The following NBPF3 variants were observed in gnomAD, a reference collection of about 807,000 sequenced individuals.
NBPF3 encodes NBPF member 3.
In NBPF3, 57 loss-of-function variants were observed where a neutral mutation model predicts 78.1. The ratio of observed to expected loss-of-function variants is 0.73; its 90% confidence interval spans 0.59 to 0.91. The LOEUF is 0.91. NBPF3 is among the 40% of genes least tolerant of loss of function. The pLI is 0.00. For missense variants in NBPF3, 510 were observed against 715.3 expected (o/e 0.71, Z 3.27); for synonymous variants, 182 against 271.7 (o/e 0.67, Z 3.25).
upstream of NBPF3, chr1:21,437,304 G>A: frequency 2.4e-6 from 1 of 414,882 alleles, no homozygotes; most frequent in Non-Finnish European, 4.4e-6. Context: ...GGTTTGTCTG[G>A]CATCGGTGGG....
At chr1:21,437,003 G>A (rs554196531), upstream of NBPF3, among the ~76,000 whole-genome samples, 5 of 152,310 alleles carry the variant, frequency 3.3e-5, no homozygotes, top group Non-Finnish European at 7.4e-5. Context: ...GAGCTCTGTG[G>A]TGAAGCCGAG....
intron 10 of NBPF3, among the ~76,000 whole-genome samples, chr1:21,479,808 C>CTA (rs1553398284): frequency 0.022 from 1,678 of 77,932 alleles, 9 homozygotes; most frequent in African/African-American, 0.045. Context: ...CTCTCTCTCT[C>CTA]TCTCTCTCTC....
intron 2 of NBPF3, among the ~76,000 whole-genome samples, chr1:21,447,969 C>T (rs1641086500): frequency 6.6e-6 from 1 of 152,068 alleles, no homozygotes; most frequent in African/African-American, 2.4e-5. Context: ...GTGTTCAGAT[C>T]TTTCACCTAT....
At chr1:21,479,707 T>A (rs1242420838) in intron 10 of NBPF3, among the ~76,000 whole-genome samples, 1 of 152,136 alleles carries the variant, frequency 6.6e-6, no homozygotes, top group Non-Finnish European at 1.5e-5. Context: ...TGATCACTGT[T>A]CATTGTGTGT....
At chr1:21,459,446 T>C (rs941469147) in intron 2 of NBPF3, among the ~76,000 whole-genome samples, 14 of 152,142 alleles carry the variant, frequency 9.2e-5, no homozygotes, top group Non-Finnish European at 1.5e-4. Flanking sequence ...TTTTTATTCA[T>C]AAAAAATCCC....
chr1:21,447,635 C>G (rs1177365310), intron 2 of NBPF3, among the ~76,000 whole-genome samples: 2 of 152,116 alleles, frequency 1.3e-5, no homozygotes, highest in Admixed American at 1.3e-4. Context: ...ACAACAGTTT[C>G]TTTATTCATT....
At chr1:21,465,603 G>A (rs549087678) in intron 2 of NBPF3, among the ~76,000 whole-genome samples, 1 of 152,198 alleles carries the variant, frequency 6.6e-6, no homozygotes, top group Non-Finnish European at 1.5e-5. Context: ...TAAACTTTGA[G>A]TATAGCAGAG....
rs760365170 is a variant in NBPF3 at position 21,479,395 on chromosome 1, T to C, written c.1203T>C (p.Ser401=). 1.9e-6 allele frequency: 3 copies of C among 1,610,348 alleles called. No homozygotes were observed. The Admixed American group carries it at 5.0e-5, about 27-fold the overall frequency. ...AAAAGGAGGACCAAGAGGCCACAAG[T>C]CCCAGGTGAGTCTGAGAAATTATGG... is the stretch of plus-strand genomic sequence containing the variant. ...QVKKEDQEAT[S]PRLSRELLDE... The change falls in exon 10 of 15, where the codon AGT becomes AGC. Residue 401 remains serine (S), a synonymous_variant. Coordinates refer to ENST00000318249, the MANE Select transcript of NBPF3 (RefSeq NM_032264.6).
Position 21,476,910 on chromosome 1 carries a change from C to T in NBPF3, c.993-1234C>T, listed in dbSNP as rs1462598392. On this transcript the variant is annotated intron_variant, in intron 8 of 14. Coordinates refer to ENST00000318249, the MANE Select transcript of NBPF3 (RefSeq NM_032264.6). The surrounding 1 kb of genome is among the most constrained non-coding windows in gnomAD (Gnocchi z 4.1). Reference sequence around the variant, plus strand: ...CCATTCTCCCCGTCACTTTCAGGTACACCAATCAAATGTAGATTTGGTCTT... The same window carrying T: ...CCATTCTCCCCGTCACTTTCAGGTATACCAATCAAATGTAGATTTGGTCTT... Among the ~76,000 whole-genome samples, 19 of 152,340 alleles carry T rather than the reference C, an allele frequency of 1.2e-4. No individual in the cohort carries two copies. Among genetic ancestry groups the T allele is most frequent in the African/African-American group, 4.3e-4 (18 of 41,582 alleles).
intron 2 of NBPF3, among the ~76,000 whole-genome samples, chr1:21,461,169 T>A (rs183854290): frequency 6.6e-6 from 1 of 152,328 alleles, no homozygotes; most frequent in Admixed American, 6.5e-5. Flanking sequence ...AAGCTCTGTG[T>A]CCATTTTCTT....
chr1:21,472,934 G>C lies in NBPF3; in HGVS notation c.734+19G>C. On this transcript the variant is annotated intron_variant, in intron 6 of 14. Coordinates refer to ENST00000318249, the MANE Select transcript of NBPF3 (RefSeq NM_032264.6). ...CCCCCAGGTAACGCTGAATAATCGG[G>C]AGCAAGTAATGGGTGGTAACATATG... 6.3e-7 allele frequency: 1 copy of C among 1,583,896 alleles called. No individual in the cohort carries two copies. Among genetic ancestry groups the C allele is most frequent in the Non-Finnish European group, 8.7e-7 (1 of 1,152,582 alleles).
chr1:21,479,380 C>T lies in NBPF3; in HGVS notation c.1188C>T (p.Asp396=), dbSNP rs773943645. The T allele has an allele frequency of 1.2e-5, 19 of 1,611,082 alleles. No homozygotes were observed. In the South Asian group the frequency reaches 1.8e-4, roughly 15 times the overall value. Reference sequence around the variant, plus strand: ...GGTGTGATCAAGTGAAAAAGGAGGACCAAGAGGCCACAAGTCCCAGGTGAG... The same window carrying T: ...GGTGTGATCAAGTGAAAAAGGAGGATCAAGAGGCCACAAGTCCCAGGTGAG... ...RHWCDQVKKE[D]QEATSPRLSR... is the part of the protein sequence containing the mutation. Residue 396 remains aspartate (D), a synonymous_variant, in exon 10 of 15, where the codon GAC becomes GAT. Transcript: ENST00000318249.
At chr1:21,481,809 T>C (rs772786071) in intron 13 of NBPF3, 40 bp downstream of exon 13, 1 of 736,500 alleles carries the variant, frequency 1.4e-6, no homozygotes, top group Admixed American at 3.9e-5. Context: ...ATCCACTGAG[T>C]TTTCCGTATA....
At chr1:21,457,374 ATATG>A (rs1641677646) in intron 2 of NBPF3, among the ~76,000 whole-genome samples, 2 of 150,054 alleles carry the variant, frequency 1.3e-5, no homozygotes, top group Non-Finnish European at 3.0e-5. Context: ...GTATGTATAT[ATATG>A]TATGTATATA....
intron 2 of NBPF3, among the ~76,000 whole-genome samples, chr1:21,456,433 C>T (rs993256264): frequency 1.5e-4 from 23 of 152,024 alleles, no homozygotes; most frequent in African/African-American, 5.3e-4. Flanking sequence ...TAATTATATA[C>T]TTTAATGATT....
At chr1:21,449,583 G>C (rs1044480350) in intron 2 of NBPF3, among the ~76,000 whole-genome samples, 1 of 152,006 alleles carries the variant, frequency 6.6e-6, no homozygotes, top group Non-Finnish European at 1.5e-5. Flanking sequence ...TGATTCTCCT[G>C]CCTCAGCCTC....
chr1:21,469,778 C>T (rs746550046), intron 3 of NBPF3, among the ~76,000 whole-genome samples: 12 of 152,146 alleles, frequency 7.9e-5, no homozygotes, highest in Admixed American at 2.0e-4. Context: ...GGGGCACAGG[C>T]TCTTGTTCCT....
At chr1:21,447,058 A>C (rs1641030712) in intron 2 of NBPF3, among the ~76,000 whole-genome samples, 1 of 152,224 alleles carries the variant, frequency 6.6e-6, no homozygotes. Context: ...GGATGCCACC[A>C]AAACCTTGAT....
At chr1:21,471,991 C>T (rs909174352) in intron 5 of NBPF3, among the ~76,000 whole-genome samples, 18 of 152,096 alleles carry the variant, frequency 1.2e-4, no homozygotes, top group African/African-American at 4.3e-4. Context: ...TTCAAATGTC[C>T]CTCCTCCCTT....
Sources: allele counts gnomAD v4.1 joint callset (sites outside exome capture counted in the v4.1 genomes callset), GRCh38; gene constraint gnomAD v4.1.1; non-coding constraint Gnocchi (gnomAD v3.1); transcripts MANE v1.5; gene names NCBI Gene and HGNC (gene_info 2026-07-23, HGNC 2026-07-21).